RUNX1: variants seen among roughly 807,000 people sequenced by gnomAD.
RUNX1 encodes the protein runt-related transcription factor 1.
RUNX1 carries 19 observed loss-of-function variants against 42.8 expected under a neutral mutation model. That is an observed-to-expected ratio of 0.44 (90% CI 0.31 to 0.65). The LOEUF (loss-of-function observed/expected upper bound fraction) is 0.65, where lower values mean the gene tolerates loss of function less well. Ranked by LOEUF, RUNX1 falls within the 30% of genes least tolerant of loss-of-function variation. The pLI is 0.07. For missense variants in RUNX1, 528 were observed against 672.0 expected (o/e 0.79, Z 2.37); for synonymous variants, 271 against 289.4 (o/e 0.94, Z 0.64).
chr21:34,906,259 G>C (rs2058218512), intron 2 of RUNX1, among the ~76,000 whole-genome samples: 1 of 152,188 alleles, frequency 6.6e-6, no homozygotes, highest in Admixed American at 6.5e-5. Context: ...GTTTTGACAG[G>C]TTTGGGGGTT....
At chr21:34,825,646 C>G (rs2056976140) in intron 7 of RUNX1, among the ~76,000 whole-genome samples, 1 of 152,166 alleles carries the variant, frequency 6.6e-6, no homozygotes, top group African/African-American at 2.4e-5. Context: ...GGTCAATGGT[C>G]TGATGTCCCC....
intron 2 of RUNX1, among the ~76,000 whole-genome samples, chr21:34,993,546 GACAC>G (rs148086448): frequency 2.9e-5 from 3 of 102,842 alleles, no homozygotes; most frequent in Admixed American, 8.9e-5. Flanking sequence ...GGCACACACA[GACAC>G]ACACACAGGC....
chr21:35,038,613 C>CTCTCTG (rs1555835794), intron 2 of RUNX1: 25 of 286,588 alleles, frequency 8.7e-5, no homozygotes, highest in East Asian at 4.5e-4. Context: ...CTCTCTCTCT[C>CTCTCTG]TGTGTGTGTG....
chr21:34,872,322 GT>G (rs1471598133), intron 5 of RUNX1, among the ~76,000 whole-genome samples: 1 of 152,158 alleles, frequency 6.6e-6, no homozygotes, highest in Non-Finnish European at 1.5e-5. Context: ...TCATGAGGGG[GT>G]GGCTACAGTG....
intron 7 of RUNX1, among the ~76,000 whole-genome samples, chr21:34,809,952 G>C (rs964874804): frequency 3.3e-5 from 5 of 152,220 alleles, no homozygotes; most frequent in Non-Finnish European, 5.9e-5. Flanking sequence ...ATGGAGATCT[G>C]TTCCACACAG....
chr21:34,947,051 C>T (rs2058568586), intron 2 of RUNX1, among the ~76,000 whole-genome samples: 1 of 152,224 alleles, frequency 6.6e-6, no homozygotes, highest in African/African-American at 2.4e-5. Flanking sequence ...TCATAACACT[C>T]TCTCCCTCTT....
At chr21:34,799,201 T>A (rs2056572917) in intron 8 of RUNX1, 100 bp downstream of exon 8, 3 of 1,306,502 alleles carry the variant, frequency 2.3e-6, no homozygotes, top group Non-Finnish European at 3.3e-6. Flanking sequence ...TTAAACCATG[T>A]TTTACTCAAT....
At chr21:34,847,719 T>TA (rs1196202641) in intron 6 of RUNX1, among the ~76,000 whole-genome samples, 1 of 152,158 alleles carries the variant, frequency 6.6e-6, no homozygotes, top group African/African-American at 2.4e-5. Context: ...TGCATTTTGA[T>TA]AAAACCTTTA....
At chr21:34,913,263 A>C (rs2058286622) in intron 2 of RUNX1, among the ~76,000 whole-genome samples, 1 of 152,108 alleles carries the variant, frequency 6.6e-6, no homozygotes, top group Non-Finnish European at 1.5e-5. Context: ...GGAGAAGGAG[A>C]AGAGAAATAA....
rs79725289 is a variant in RUNX1 at position 34,828,176 on chromosome 21, C to T, written c.805+6234G>A. Among the ~76,000 whole-genome samples the T allele has an allele frequency of 3.2e-3, 480 of 152,302 alleles. 3 individuals carry two copies. The highest frequency in any genetic ancestry group is 0.011 in the African/African-American group (454 of 41,564). Reference sequence around the variant, plus strand: ...AGGCCTTGGGGGCCTAGTCTTAGCCCCATTGTATCCAGAAGGCAGAACATG... The same window carrying T: ...AGGCCTTGGGGGCCTAGTCTTAGCCTCATTGTATCCAGAAGGCAGAACATG... On this transcript the variant is annotated intron_variant, in intron 7 of 8. Coordinates refer to ENST00000675419, the MANE Select transcript of RUNX1 (RefSeq NM_001754.5).
intron 2 of RUNX1, among the ~76,000 whole-genome samples, chr21:34,929,520 C>T (rs984507315): frequency 1.3e-5 from 2 of 152,240 alleles, no homozygotes; most frequent in Admixed American, 6.5e-5. Context: ...ATAGATTTTG[C>T]CATTGAGTTT....
rs2058180772 is a variant in RUNX1, at chr21:34,901,911, A to C, written c.59-8948T>G. ...ATTTTCTGGTGGATGATAGATGCAG[A>C]GTCTATAAAGTTGCTAATACTTCTG... is the stretch of plus-strand genomic sequence containing the variant. On this transcript the variant is annotated intron_variant, in intron 2 of 8. Transcript: ENST00000675419. The surrounding 1 kb of genome is among the most constrained non-coding windows in gnomAD (Gnocchi z 4.3). 6.6e-6 allele frequency among the ~76,000 whole-genome samples: 1 copy of C among 152,220 alleles called. No homozygotes were observed. Among genetic ancestry groups the C allele is most frequent in the African/African-American group, 2.4e-5 (1 of 41,460 alleles).
intron 2 of RUNX1, among the ~76,000 whole-genome samples, chr21:35,030,526 A>G (rs2059265669): frequency 1.3e-5 from 2 of 152,160 alleles, no homozygotes; most frequent in Non-Finnish European, 1.5e-5. Context: ...ATAAAATGTT[A>G]AAGAAAAGTA....
intron 6 of RUNX1, among the ~76,000 whole-genome samples, chr21:34,844,247 A>G (rs569482897): frequency 6.6e-6 from 1 of 152,342 alleles, no homozygotes; most frequent in African/African-American, 2.4e-5. Flanking sequence ...CTATGGAGAT[A>G]TGAGCACTGA....
At chr21:34,918,682 G>A (rs1309346121) in intron 2 of RUNX1, among the ~76,000 whole-genome samples, 2 of 152,206 alleles carry the variant, frequency 1.3e-5, no homozygotes, top group African/African-American at 4.8e-5. Flanking sequence ...GGCCAAGGCA[G>A]GTGGATCACA....
At chr21:34,937,375 GTGA>G (rs1253019692) in intron 2 of RUNX1, among the ~76,000 whole-genome samples, 1 of 147,532 alleles carries the variant, frequency 6.8e-6, no homozygotes, top group Non-Finnish European at 1.5e-5. Flanking sequence ...AACTCCTCCA[GTGA>G]CTCATAGGCT....
At chr21:34,807,776 C>T (rs2056699987) in intron 7 of RUNX1, among the ~76,000 whole-genome samples, 1 of 152,146 alleles carries the variant, frequency 6.6e-6, no homozygotes, top group African/African-American at 2.4e-5. Flanking sequence ...TGTCTGGGAC[C>T]CCTGGGAAGA....
intron 2 of RUNX1, among the ~76,000 whole-genome samples, chr21:35,023,504 G>C (rs1362602974): frequency 6.6e-6 from 1 of 152,208 alleles, no homozygotes; most frequent in Non-Finnish European, 1.5e-5. Context: ...CAGGGGGCTG[G>C]ACTGTGGATG....
chr21:35,031,115 A>G (rs1175762881), intron 2 of RUNX1, among the ~76,000 whole-genome samples: 1 of 152,146 alleles, frequency 6.6e-6, no homozygotes, highest in Non-Finnish European at 1.5e-5. Flanking sequence ...TTGGGTGGCC[A>G]TGGCAGGCAG....
Sources: allele counts gnomAD v4.1 joint callset (sites outside exome capture counted in the v4.1 genomes callset), GRCh38; gene constraint gnomAD v4.1.1; non-coding constraint Gnocchi (gnomAD v3.1); transcripts MANE v1.5; gene names NCBI Gene and HGNC (gene_info 2026-07-23, HGNC 2026-07-21).